The following NFKBIA variants were observed in gnomAD, a reference collection of about 807,000 sequenced individuals.
The protein encoded by NFKBIA is NFKB inhibitor alpha.
NFKBIA carries 10 observed loss-of-function variants against 36.3 expected under a neutral mutation model. The ratio of observed to expected loss-of-function variants is 0.28; its 90% CI spans 0.17 to 0.47. NFKBIA has a LOEUF of 0.47. Among genes scored for constraint, NFKBIA ranks in the 20% least tolerant of loss-of-function variants. The probability of loss-of-function intolerance (pLI) is 0.99; values close to 1 mark genes in which losing one functional copy is unlikely to be tolerated. For synonymous variants in NFKBIA, 205 were observed against 164.4 expected (o/e 1.25, Z -1.89); for missense variants, 355 against 399.3 (o/e 0.89, Z 0.94).
intron 2 of NFKBIA, 133 bp downstream of exon 2, chr14:35,403,557 T>TG: frequency 3.5e-6 from 3 of 868,146 alleles, no homozygotes; most frequent in Non-Finnish European, 5.7e-6. Context: ...CTCTAGGATG[T>TG]GGGCTGATGT....
Position 35,402,584 on chromosome 14 carries a change from C to A in NFKBIA, c.716G>T (p.Cys239Phe), listed in dbSNP as rs1566590028. Residue 239 changes from cysteine to phenylalanine, a missense_variant, in exon 5 of 6, where the codon TGT becomes TTT. Physicochemically the swap from Cys to Phe is radical, Grantham distance 205 (BLOSUM62 -2). Coordinates refer to ENST00000216797, the MANE Select transcript of NFKBIA (RefSeq NM_020529.3). ...GGTAACTCTGTTGACATCAGCCCCA[C>A]ACTTCAACAGGAGTGACACCAGGTC... ...NPDLVSLLLKCGADVNRVTYQ... is the reference protein window; with the variant it reads ...NPDLVSLLLKFGADVNRVTYQ... 6.2e-7 allele frequency: 1 copy of A among 1,614,248 alleles called. No homozygotes were observed. The highest frequency in any genetic ancestry group is 8.5e-7 in the Non-Finnish European group (1 of 1,180,054).
Position 35,404,729 on chromosome 14 carries a change from G to C in NFKBIA, c.-85C>G. ...TCCTCGCTGGGGCGCTGGCGGGCGGGACGGCGGCACGGACTGCTGTGGGCT... is the reference window on the plus strand; with the variant it reads ...TCCTCGCTGGGGCGCTGGCGGGCGGCACGGCGGCACGGACTGCTGTGGGCT... On this transcript the variant is annotated 5_prime_UTR_variant, in exon 1 of 6. Coordinates refer to ENST00000216797, the MANE Select transcript of NFKBIA (RefSeq NM_020529.3). The C allele has an allele frequency of 6.9e-6, 7 of 1,012,214 alleles. No individual in the cohort carries two copies. The highest frequency in any genetic ancestry group is 9.1e-6 in the Non-Finnish European group (7 of 766,872). 62.7% of individuals were successfully genotyped at this position (1,012,214 alleles called of 1,614,324 possible).
Position 35,401,902 on chromosome 14 carries a change from G to T in NFKBIA, c.*111C>A. The T allele has an allele frequency of 8.2e-7, 1 of 1,212,612 alleles. No individual in the cohort carries two copies. Among genetic ancestry groups the T allele is most frequent in the Non-Finnish European group, 1.2e-6 (1 of 828,068 alleles). 75.1% of individuals were successfully genotyped at this position (1,212,612 alleles called of 1,614,324 possible). ...CGTTTTGGGCCAGGCAGTGTGCAGT[G>T]TGGATATAAGTACACCCTTTAAATT... On this transcript the variant is annotated 3_prime_UTR_variant, in exon 6 of 6. Transcript: ENST00000216797.
At chr14:35,403,017 A>T in intron 3 of NFKBIA, 133 bp downstream of exon 3, 1 of 1,268,834 alleles carries the variant, frequency 7.9e-7, no homozygotes, top group Non-Finnish European at 1.1e-6. Context: ...GGCACTTTGC[A>T]CACATATTTT....
rs1303527360 is a variant in NFKBIA, at chr14:35,401,924, A to C, written c.*89T>G. On this transcript the variant is annotated 3_prime_UTR_variant, in exon 6 of 6. Coordinates refer to ENST00000216797, the MANE Select transcript of NFKBIA (RefSeq NM_020529.3). Reference sequence around the variant, plus strand: ...AGTGTGGATATAAGTACACCCTTTAAATTTTTTCTTCTTTTTTCTTTTTTT... The same window carrying C: ...AGTGTGGATATAAGTACACCCTTTACATTTTTTCTTCTTTTTTCTTTTTTT... The C allele has an allele frequency of 7.4e-6, 11 of 1,494,916 alleles. No individual in the cohort carries two copies. In the Admixed American group the frequency reaches 1.2e-4, roughly 16 times the overall value. 92.6% of individuals were successfully genotyped at this position (1,494,916 alleles called of 1,614,324 possible).
chr14:35,403,770 C>A lies in NFKBIA; in HGVS notation c.256G>T (p.Glu86Ter). 1 of 1,613,968 alleles carries A rather than the reference C, an allele frequency of 6.2e-7. No homozygotes were observed. Among genetic ancestry groups the A allele is most frequent in the Non-Finnish European group, 8.5e-7 (1 of 1,179,942 alleles). The stretch of plus-strand genomic sequence containing the variant: ...ATCACTTCCATGGTCAGTGCCTTTT[C>A]TTCATGGATGATGGCCAAGTGCAGG... Reference protein sequence around the residue: ...SFLHLAIIHEEKALTMEVIRQ... With the variant: ...SFLHLAIIHE Residue 86 changes from glutamate (E) to a stop codon, truncating the protein, a stop_gained, in exon 2 of 6, where the codon GAA (glutamate) becomes TAA (stop). Coordinates refer to ENST00000216797, the MANE Select transcript of NFKBIA (RefSeq NM_020529.3). LOFTEE classifies it high-confidence loss of function.
At chr14:35,403,075 A>T in intron 3 of NFKBIA, 75 bp downstream of exon 3, 1 of 1,529,138 alleles carries the variant, frequency 6.5e-7, no homozygotes, top group Non-Finnish European at 9.0e-7. Flanking sequence ...TGGACTCCTT[A>T]AGTTGGCCCA....
Position 35,404,648 on chromosome 14 carries a change from G to T in NFKBIA, c.-4C>A. On this transcript the variant is annotated 5_prime_UTR_variant, in exon 1 of 6. Transcript: ENST00000216797. ...GGCGCTCGGCCGCCTGGAACATGGC[G>T]CGGACGAGCTGCGGGCGCTGCTGCG... 1 of 1,484,138 alleles carries T rather than the reference G, an allele frequency of 6.7e-7. No homozygotes were observed. The highest frequency in any genetic ancestry group is 2.9e-5 in the East Asian group (1 of 34,090). The allele number at this position is 1,484,138 out of a possible 1,614,324, so 91.9% of individuals were successfully genotyped here. A position where few individuals can be genotyped will look rare whatever the true frequency, so the allele number is the denominator to read the frequency against.
chr14:35,402,403 TGTGAACTCC>T lies in NFKBIA; in HGVS notation c.888_896del (p.Phe298_Glu300del), dbSNP rs1428421661. 2 of 1,614,082 alleles carry T rather than the reference TGTGAACTCC, an allele frequency of 1.2e-6. No individual in the cohort carries two copies. Among genetic ancestry groups the T allele is most frequent in the Non-Finnish European group, 1.7e-6 (2 of 1,180,036 alleles). ...GAGTTCACAGACTCACCTCGTCCTC[TGTGAACTCC>T]GTGAACTCTGACTCTGTGTCATAGC... is the stretch of plus-strand genomic sequence containing the variant. On this transcript the variant is annotated inframe_deletion, in exon 5 of 6. Coordinates refer to ENST00000216797, the MANE Select transcript of NFKBIA (RefSeq NM_020529.3).
At chr14:35,404,134 C>T (rs1326251525) in intron 1 of NFKBIA, 1 of 378,746 alleles carries the variant, frequency 2.6e-6, no homozygotes, top group South Asian at 2.6e-5. Context: ...TCCCCGCTGC[C>T]GCCCCGCCCC....
rs1566589920 is a variant in NFKBIA, at chr14:35,402,397, GTCCTCTGTGAAC to G, written c.891_902del (p.Glu297_Glu300del). On this transcript the variant is annotated inframe_deletion, in exon 5 of 6. Transcript: ENST00000216797. ...CCGAAGGAGTTCACAGACTCACCTC[GTCCTCTGTGAAC>G]TCCGTGAACTCTGACTCTGTGTCAT... is the stretch of plus-strand genomic sequence containing the variant. 6.2e-7 allele frequency: 1 copy of G among 1,614,130 alleles called. No homozygotes were observed. The highest frequency in any genetic ancestry group is 1.1e-5 in the South Asian group (1 of 91,078).
chr14:35,404,266 C>A (rs1446714708), intron 1 of NFKBIA, 152 bp downstream of exon 1: 30 of 443,726 alleles, frequency 6.8e-5, no homozygotes, highest in Non-Finnish European at 9.7e-5. Context: ...CTGCAGCGTT[C>A]GGGGCGGTGC....
rs2138830464 is a variant in NFKBIA at position 35,402,462 on chromosome 14, G to C, written c.838C>G (p.Leu280Val). ...CTCTCCTCATCCTCACTCTCTGGCA[G>C]CATCTGAAGGTTTTCTAGTGTCAGC... ...GQLTLENLQM[L>V]PESEDEESYD... Residue 280 changes from leucine (L) to valine (V), a missense_variant, in exon 5 of 6, where the codon CTG becomes GTG. Leu to Val is a conservative substitution (Grantham distance 32). Transcript: ENST00000216797. 6.2e-7 allele frequency: 1 copy of C among 1,614,170 alleles called. No homozygotes were observed. The highest frequency in any genetic ancestry group is 1.1e-5 in the South Asian group (1 of 91,082).
chr14:35,402,234 G>GAGTAAGCTATTAAAAAAA (rs1305671779), intron 5 of NFKBIA, among the ~76,000 whole-genome samples, 160 bp downstream of exon 5: 2 of 146,074 alleles, frequency 1.4e-5, no homozygotes, highest in Middle Eastern at 3.5e-3. Flanking sequence ...TTTAAAAAAA[G>GAGTAAGCTATTAAAAAAA]AGGGGGGGCA....
rs1430171440 is a variant in NFKBIA, at chr14:35,403,706, T to C, written c.320A>G (p.Gln107Arg). Residue 107 changes from glutamine to arginine, a missense_variant, in exon 2 of 6, where the codon CAG becomes CGG. Transcript: ENST00000216797. The part of the protein sequence containing the change: ...VKGDLAFLNF[Q>R]NNLQQTPLHL... ...GCGGCGCACCTGCTGCAGGTTGTTC[T>C]GGAAGTTGAGGAAGGCCAGGTCTCC... 3 of 1,613,420 alleles carry C rather than the reference T, an allele frequency of 1.9e-6. No individual in the cohort carries two copies. The highest frequency in any genetic ancestry group is 2.7e-5 in the African/African-American group (2 of 74,920).
At chr14:35,402,224 T>TTTAAAAAAGGAGTAAGCTA (rs2052735001) in intron 5 of NFKBIA, among the ~76,000 whole-genome samples, 164 bp from the exon 6 acceptor site, 1 of 27,304 alleles carries the variant, frequency 3.7e-5, no homozygotes, top group African/African-American at 1.5e-4. Context: ...AATGCTTCTC[T>TTTAAAAAAGGAGTAAGCTA]TTAAAAAAAG....
At chr14:35,403,994 C>T in intron 1 of NFKBIA, 196 bp from the exon 2 acceptor site, 5 of 601,584 alleles carry the variant, frequency 8.3e-6, no homozygotes, top group Non-Finnish European at 1.2e-5. Context: ...CCCGCGGCCC[C>T]GGCGGGCGCC....
At chr14:35,403,928 G>C in intron 1 of NFKBIA, 130 bp from the exon 2 acceptor site, 1 of 724,126 alleles carries the variant, frequency 1.4e-6, no homozygotes, top group Non-Finnish European at 2.5e-6. Context: ...TTTCCGCGAG[G>C]TTATTATGAG....
At chr14:35,403,047 G>A in intron 3 of NFKBIA, 103 bp downstream of exon 3, 1 of 1,387,030 alleles carries the variant, frequency 7.2e-7, no homozygotes, top group Non-Finnish European at 1.0e-6. Context: ...CCAAATGTTA[G>A]GAGTTTAAGC....
Sources: allele counts gnomAD v4.1 joint callset (sites outside exome capture counted in the v4.1 genomes callset), GRCh38; gene constraint gnomAD v4.1.1; transcripts MANE v1.5; gene names NCBI Gene and HGNC (gene_info 2026-07-23, HGNC 2026-07-21).